SLC14A2: variants seen among roughly 807,000 people sequenced by gnomAD.
The protein encoded by SLC14A2 is solute carrier family 14 member 2.
SLC14A2 carries 91 observed loss-of-function variants against 104.6 expected under a neutral mutation model. The observed-to-expected ratio is 0.87, with a 90% CI of 0.73 to 1.04. The LOEUF is 1.04. Among genes scored for constraint, SLC14A2 ranks in the 50% least tolerant of loss-of-function variants. SLC14A2 has a pLI of 0.00. For missense variants in SLC14A2, 1,189 were observed against 1,156.0 expected (o/e 1.03, Z -0.41); for synonymous variants, 476 against 466.4 (o/e 1.02, Z -0.27).
chr18:45,530,850 T>G (rs939094026), intron 2 of SLC14A2, among the ~76,000 whole-genome samples: 11 of 148,770 alleles, frequency 7.4e-5, no homozygotes, highest in African/African-American at 2.7e-4. Flanking sequence ...CCCTCCCCAC[T>G]CCCCCCACCC....
In SLC14A2 at chr18:45,529,746, T is replaced by C. The variant is rs921532067; in HGVS notation, c.-35+46424T>C. ...AATGGGGTCACATGGTCACTTCACA[T>C]GTTCTCTTTAGCACACCATTCCTGC... On this transcript the variant is annotated intron_variant, in intron 2 of 20. Coordinates refer to the SLC14A2 transcript ENST00000586448. The C allele has an allele frequency of 3.9e-5, 6 of 152,164 alleles. No individual in the cohort carries two copies. In the South Asian group the frequency reaches 6.2e-4, roughly 16 times the overall value. The allele number at this position is 152,164 out of a possible 1,614,324, so 9.4% of individuals were successfully genotyped here. A position where few individuals can be genotyped will look rare whatever the true frequency, so the allele number is the denominator to read the frequency against.
chr18:45,344,321 G>GGTTC (rs1409508517), intron 1 of SLC14A2, among the ~76,000 whole-genome samples: 3 of 152,024 alleles, frequency 2.0e-5, no homozygotes, highest in African/African-American at 7.2e-5. Context: ...ATAAACAAAG[G>GGTTC]GTTCCATCCT....
At chr18:45,501,339 T>C (rs2144761581) in intron 2 of SLC14A2, among the ~76,000 whole-genome samples, 1 of 152,336 alleles carries the variant, frequency 6.6e-6, no homozygotes, top group East Asian at 1.9e-4. Flanking sequence ...CCACAAACTA[T>C]GAGTAAGTCA....
At position 45,643,126 on chromosome 18, in the gene SLC14A2, C is replaced by A. The variant is rs1047377349; in HGVS notation, c.1127-6C>A. ...GCTCACTCTGGTGATCCTTGTTCCT[C>A]CACAGCCCTGTTCTGTGCATACATG... On this transcript the variant is annotated splice_region_variant and splice_polypyrimidine_tract_variant and intron_variant, in intron 8 of 19. Transcript: ENST00000255226. The A allele has an allele frequency of 3.1e-6, 5 of 1,613,950 alleles. No homozygotes were observed. The African/African-American group carries it at 5.3e-5, about 17-fold the overall frequency.
At chr18:45,666,036 C>A in intron 11 of SLC14A2, 101 bp from the exon 12 acceptor site, 1 of 795,496 alleles carries the variant, frequency 1.3e-6, no homozygotes, top group Non-Finnish European at 2.2e-6. Flanking sequence ...ACAGGAAATA[C>A]TGCATAATCT....
chr18:45,639,218 T>C (rs2045475193), intron 6 of SLC14A2, among the ~76,000 whole-genome samples: 1 of 152,140 alleles, frequency 6.6e-6, no homozygotes. Context: ...GTGTCAGCAG[T>C]GGCTTGACAA....
Position 45,421,750 on chromosome 18 carries a change from C to T in SLC14A2, c.-124-61483C>T, listed in dbSNP as rs142288726. Among the ~76,000 whole-genome samples the T allele has an allele frequency of 9.8e-3, 1,499 of 152,322 alleles. 16 individuals are homozygous for T. Among genetic ancestry groups the T allele is most frequent in the African/African-American group, 0.024 (1,000 of 41,568 alleles). ...CTCACCAAGCATGTAGGATGACCTA[C>T]ACGACCTCTGAAGGCCTCAAAGAAT... On this transcript the variant is annotated intron_variant, in intron 1 of 20. Coordinates refer to the SLC14A2 transcript ENST00000586448.
At chr18:45,198,636 C>G in the SLC14A2 span, among the ~76,000 whole-genome samples, 1 of 152,086 alleles carries the variant, frequency 6.6e-6, no homozygotes, top group Non-Finnish European at 1.5e-5. Flanking sequence ...AATTTCCTCT[C>G]TTTGCTCTTT....
intron 1 of SLC14A2, among the ~76,000 whole-genome samples, chr18:45,352,734 C>T (rs1207993180): frequency 6.6e-6 from 1 of 152,106 alleles, no homozygotes; most frequent in Non-Finnish European, 1.5e-5. Context: ...GGGGACAGAG[C>T]AAGCTTCCCG....
At chr18:45,183,689 TTCTC>T in the SLC14A2 span, among the ~76,000 whole-genome samples, 2 of 151,580 alleles carry the variant, frequency 1.3e-5, no homozygotes, top group African/African-American at 2.4e-5. Context: ...CTTTCTCTCT[TTCTC>T]TCTGTCTCTC....
chr18:45,519,116 T>C (rs1568255384), intron 2 of SLC14A2, among the ~76,000 whole-genome samples: 1 of 152,170 alleles, frequency 6.6e-6, no homozygotes, highest in African/African-American at 2.4e-5. Context: ...GGAGGAATAA[T>C]CATTTTAAAA....
chr18:45,375,925 G>C (rs770249988), intron 1 of SLC14A2, among the ~76,000 whole-genome samples: 9 of 152,186 alleles, frequency 5.9e-5, no homozygotes, highest in Non-Finnish European at 1.3e-4. Context: ...AAGCAACAGT[G>C]CATGCCCACA....
intron 1 of SLC14A2, among the ~76,000 whole-genome samples, chr18:45,413,027 G>A (rs1289272776): frequency 4.6e-5 from 7 of 152,138 alleles, no homozygotes; most frequent in East Asian, 3.9e-4. Flanking sequence ...AAGGTTGTCC[G>A]TTTTTCATTA....
Position 45,668,284 on chromosome 18 carries a change from C to G in SLC14A2, c.1908-65C>G. The G allele has an allele frequency of 3.1e-6, 5 of 1,590,258 alleles. No individual in the cohort carries two copies. In the South Asian group the frequency reaches 5.7e-5, roughly 18 times the overall value. On this transcript the variant is annotated intron_variant, in intron 14 of 19. Coordinates refer to ENST00000255226, the MANE Select transcript of SLC14A2 (RefSeq NM_007163.4). Reference sequence around the variant, plus strand: ...GGCCCCAGATAAAAAGAATCTGACTCAATAGGAAAATGTAAAGGGCCCTGG... The same window carrying G: ...GGCCCCAGATAAAAAGAATCTGACTGAATAGGAAAATGTAAAGGGCCCTGG...
At chr18:45,408,522 A>T (rs999425760) in intron 1 of SLC14A2, among the ~76,000 whole-genome samples, 1 of 152,200 alleles carries the variant, frequency 6.6e-6, no homozygotes, top group Non-Finnish European at 1.5e-5. Context: ...ACATGTACAT[A>T]GCAGCTTCCA....
At chr18:45,188,495 A>T in the SLC14A2 span, among the ~76,000 whole-genome samples, 1 of 152,182 alleles carries the variant, frequency 6.6e-6, no homozygotes, top group South Asian at 2.1e-4. Context: ...GCATGCTCCT[A>T]GAATTCCCTA....
intron 14 of SLC14A2, 126 bp downstream of exon 14, chr18:45,668,148 C>A: frequency 8.7e-7 from 1 of 1,148,842 alleles, no homozygotes; most frequent in Non-Finnish European, 1.2e-6. Flanking sequence ...ATGACTGTTC[C>A]CTGGTTATTT....
chr18:45,192,642 TTTTTG>T, the SLC14A2 span, among the ~76,000 whole-genome samples: 436 of 144,922 alleles, frequency 3.0e-3, 3 homozygotes, highest in African/African-American at 0.011. Flanking sequence ...GTGTGGTTTT[TTTTTG>T]TTTTGTTTTG....
chr18:45,175,959 G>A, the SLC14A2 span, among the ~76,000 whole-genome samples: 1 of 152,106 alleles, frequency 6.6e-6, no homozygotes, highest in East Asian at 1.9e-4. Flanking sequence ...TATACCATAC[G>A]ACAATTCTCT....
Sources: gnomAD v4.1 joint callset for allele counts (sites outside exome capture counted in the v4.1 genomes callset) on GRCh38, gnomAD v4.1.1 for gene constraint, MANE v1.5 for transcripts, NCBI Gene and HGNC (gene_info 2026-07-23, HGNC 2026-07-21) for gene names.